The following MTHFD1L variants were observed in gnomAD, a reference collection of about 807,000 sequenced individuals.
MTHFD1L encodes monofunctional C1-tetrahydrofolate synthase, mitochondrial.
In MTHFD1L, 81 loss-of-function variants were observed where a neutral mutation model predicts 119.5. That is an observed-to-expected ratio of 0.68 (90% confidence interval 0.57 to 0.82). The LOEUF is 0.82. Among genes scored for constraint, MTHFD1L ranks in the 40% least tolerant of loss-of-function variants. The pLI is 0.00. For synonymous variants in MTHFD1L, 430 were observed against 475.2 expected (o/e 0.90, Z 1.24); for missense variants, 1,125 against 1,253.4 (o/e 0.90, Z 1.55).
At chr6:151,073,530 T>C (rs182501849) in intron 26 of MTHFD1L, among the ~76,000 whole-genome samples, 43 of 152,262 alleles carry the variant, frequency 2.8e-4, no homozygotes, top group African/African-American at 8.4e-4. Context: ...ATACAGATGA[T>C]AGAATTCATA....
In MTHFD1L at chr6:150,960,543, A is replaced by G. The variant is rs371559622; in HGVS notation, c.1944+128A>G. On this transcript the variant is annotated intron_variant, in intron 18 of 27. Coordinates refer to ENST00000367321, the MANE Select transcript of MTHFD1L (RefSeq NM_015440.5). ...ATACAGAAAAAGTTTCCACACACAC[A>G]TTTCTTCCCCGACAAGCATGTTTGC... 3.7e-5 allele frequency: 46 copies of G among 1,253,022 alleles called. 1 individual carries two copies. In the South Asian group the frequency reaches 6.4e-4, roughly 17 times the overall value. 77.6% of individuals were successfully genotyped at this position (1,253,022 alleles called of 1,614,324 possible). A position where few individuals can be genotyped will look rare whatever the true frequency, so the allele number is the denominator to read the frequency against.
chr6:150,928,787 G>A lies in MTHFD1L; in HGVS notation c.1256+2492G>A, dbSNP rs572871366. On this transcript the variant is annotated intron_variant, in intron 11 of 27. Transcript: ENST00000367321. ...TTGAACTCCTGGCCTCAAGTGGTCCGCCCGCCTCCTCCTTCCAAAGTGCTA... is the reference window on the plus strand; with the variant it reads ...TTGAACTCCTGGCCTCAAGTGGTCCACCCGCCTCCTCCTTCCAAAGTGCTA... 6.6e-5 allele frequency among the ~76,000 whole-genome samples: 10 copies of A among 152,020 alleles called. No individual in the cohort carries two copies. The East Asian group carries it at 1.2e-3, about 18-fold the overall frequency.
chr6:151,038,927 A>G (rs564477892), intron 26 of MTHFD1L, among the ~76,000 whole-genome samples: 1 of 152,188 alleles, frequency 6.6e-6, no homozygotes, highest in Admixed American at 6.5e-5. Context: ...GAACAGAGAG[A>G]GCTCAGAGGG....
chr6:151,054,698 C>A (rs944847614), intron 26 of MTHFD1L, among the ~76,000 whole-genome samples: 4 of 152,172 alleles, frequency 2.6e-5, no homozygotes, highest in Non-Finnish European at 5.9e-5. Flanking sequence ...ATAATCAGTT[C>A]TTTCCCCCTA....
chr6:150,915,808 T>C (rs1361140324), intron 8 of MTHFD1L, among the ~76,000 whole-genome samples: 1 of 152,158 alleles, frequency 6.6e-6, no homozygotes, highest in African/African-American at 2.4e-5. Flanking sequence ...TTCACCTTGT[T>C]GGCCAGGCTG....
At position 150,887,905 on chromosome 6, in the gene MTHFD1L, C is replaced by T; in HGVS notation, c.704C>T (p.Ala235Val). The change falls in exon 7 of 28, where the codon GCT becomes GTT. Residue 235 changes from alanine (A) to valine (V), a missense_variant. Transcript: ENST00000367321. ...VVGAHGSLEA[A>V]LQCLFQRKGS... ...GGGGCCCATGGGTCTTTGGAAGCTGCTCTACAATGCCTGTTCCAGAGAAAA... is the reference window on the plus strand; with the variant it reads ...GGGGCCCATGGGTCTTTGGAAGCTGTTCTACAATGCCTGTTCCAGAGAAAA... 6.2e-7 allele frequency: 1 copy of T among 1,610,664 alleles called. No homozygotes were observed. Among genetic ancestry groups the T allele is most frequent in the South Asian group, 1.1e-5 (1 of 89,968 alleles).
Position 150,915,563 on chromosome 6 carries a change from A to G in MTHFD1L, c.893-3014A>G, listed in dbSNP as rs117139220. Among the ~76,000 whole-genome samples, 1,474 of 152,252 alleles carry G rather than the reference A, an allele frequency of 9.7e-3. 8 individuals are homozygous for G. The highest frequency in any genetic ancestry group is 0.016 in the Non-Finnish European group (1,077 of 68,018). ...TGGAAATATGCATTTATAAGTTGAT[A>G]CCAGCTCCTGGAATGTAACTTTTTC... On this transcript the variant is annotated intron_variant, in intron 8 of 27. Coordinates refer to ENST00000367321, the MANE Select transcript of MTHFD1L (RefSeq NM_015440.5).
chr6:151,071,201 T>C (rs778197202), intron 26 of MTHFD1L, among the ~76,000 whole-genome samples: 90 of 148,522 alleles, frequency 6.1e-4, no homozygotes, highest in Non-Finnish European at 1.2e-3. Flanking sequence ...ATTGATACAA[T>C]GGTTGTGTTG....
At chr6:150,963,561 A>T (rs1272745845) in intron 18 of MTHFD1L, among the ~76,000 whole-genome samples, 1 of 152,250 alleles carries the variant, frequency 6.6e-6, no homozygotes, top group Non-Finnish European at 1.5e-5. Flanking sequence ...ATTAAATATT[A>T]TAAAAATAGA....
intron 27 of MTHFD1L, among the ~76,000 whole-genome samples, chr6:151,100,217 T>A (rs903378702): frequency 1.3e-5 from 2 of 152,036 alleles, no homozygotes; most frequent in Non-Finnish European, 2.9e-5. Context: ...TGTATTTTTT[T>A]AATAGACACG....
intron 11 of MTHFD1L, among the ~76,000 whole-genome samples, 166 bp from the exon 12 acceptor site, chr6:150,936,638 A>G (rs1792105416): frequency 6.6e-6 from 1 of 152,128 alleles, no homozygotes; most frequent in Non-Finnish European, 1.5e-5. Flanking sequence ...ACTTTAGCTT[A>G]TGCCTGTCCT....
intron 7 of MTHFD1L, among the ~76,000 whole-genome samples, chr6:150,904,608 A>C (rs1013799978): frequency 6.6e-6 from 1 of 151,908 alleles, no homozygotes; most frequent in African/African-American, 2.4e-5. Flanking sequence ...ATTCCTATTC[A>C]CCCCTCCCTC....
chr6:150,921,377 C>T (rs1264845199), intron 9 of MTHFD1L, among the ~76,000 whole-genome samples: 1 of 152,134 alleles, frequency 6.6e-6, no homozygotes, highest in African/African-American at 2.4e-5. Context: ...ACCTCAGCCT[C>T]CCAAAGAGGA....
At chr6:150,943,292 A>G (rs12664450) in intron 13 of MTHFD1L, among the ~76,000 whole-genome samples, 12,149 of 151,314 alleles carry the variant, frequency 0.08, 1,098 homozygotes, top group East Asian at 0.5. Flanking sequence ...AATAAATAAA[A>G]TAAAAATACT....
chr6:150,982,026 G>T (rs958815030), intron 20 of MTHFD1L, among the ~76,000 whole-genome samples: 2 of 152,084 alleles, frequency 1.3e-5, no homozygotes, highest in African/African-American at 4.8e-5. Context: ...GTTTAAGGCT[G>T]CAGCAAGCTA....
Position 150,905,727 on chromosome 6 carries a change from T to C in MTHFD1L, c.858T>C (p.Thr286=). The C allele has an allele frequency of 6.2e-7, 1 of 1,614,158 alleles. No homozygotes were observed. Among genetic ancestry groups the C allele is most frequent in the Non-Finnish European group, 8.5e-7 (1 of 1,179,984 alleles). The stretch of plus-strand genomic sequence containing the variant: ...CCCTTACTTGGATACAACCAGGAAC[T>C]ACTGTTCTCAACTGCTCCCATGACT... ...EIPLTWIQPG[T]TVLNCSHDFL... is the part of the protein sequence containing the mutation. The change falls in exon 8 of 28, where the codon ACT becomes ACC. Residue 286 remains threonine (T), a synonymous_variant. Transcript: ENST00000367321.
intron 20 of MTHFD1L, among the ~76,000 whole-genome samples, chr6:150,986,181 C>T (rs1481801255): frequency 6.6e-6 from 1 of 152,150 alleles, no homozygotes. Flanking sequence ...TGAATTTGAT[C>T]TTTACTCTAA....
intron 20 of MTHFD1L, among the ~76,000 whole-genome samples, chr6:150,995,729 C>T (rs1158426065): frequency 2.0e-5 from 3 of 151,882 alleles, no homozygotes; most frequent in Non-Finnish European, 4.4e-5. Flanking sequence ...TGCAGTGGTG[C>T]AATCTCGACT....
At chr6:151,085,046 A>G (rs573765356) in intron 26 of MTHFD1L, among the ~76,000 whole-genome samples, 1 of 148,694 alleles carries the variant, frequency 6.7e-6, no homozygotes, top group African/African-American at 2.5e-5. Flanking sequence ...CACACATTAG[A>G]TAAGCACATT....
Sources: allele counts gnomAD v4.1 joint callset (sites outside exome capture counted in the v4.1 genomes callset), GRCh38; gene constraint gnomAD v4.1.1; transcripts MANE v1.5; gene names NCBI Gene and HGNC (gene_info 2026-07-23, HGNC 2026-07-21).